Variants in DOCK1 observed in about 807,000 individuals in gnomAD.
The protein encoded by DOCK1 is dedicator of cytokinesis protein 1.
In DOCK1, 138 loss-of-function variants were observed where a neutral mutation model predicts 262.7. The observed-to-expected ratio is 0.53, with a 90% CI of 0.46 to 0.61. DOCK1 has a LOEUF of 0.61. DOCK1 is among the 20% of genes least tolerant of loss of function. The pLI is 0.00. For missense variants in DOCK1, 1,908 were observed against 2,370.7 expected (o/e 0.80, Z 4.05); for synonymous variants, 866 against 867.4 (o/e 1.00, Z 0.03).
intron 25 of DOCK1, among the ~76,000 whole-genome samples, chr10:127,117,017 A>G (rs1475453551): frequency 4.6e-5 from 7 of 152,142 alleles, no homozygotes; most frequent in South Asian, 4.1e-4. Flanking sequence ...CTCATTCTGT[A>G]TATCATTCTC....
At chr10:127,215,098 T>C (rs2042157979) in intron 27 of DOCK1, among the ~76,000 whole-genome samples, 1 of 152,086 alleles carries the variant, frequency 6.6e-6, no homozygotes, top group South Asian at 2.1e-4. Flanking sequence ...TCTTTGCCTC[T>C]TCCAGGACTC....
intron 1 of DOCK1, among the ~76,000 whole-genome samples, chr10:126,955,957 A>G (rs1418836885): frequency 6.6e-6 from 1 of 152,138 alleles, no homozygotes; most frequent in Non-Finnish European, 1.5e-5. Context: ...ACCTGTCCAT[A>G]TGCCTGTTAA....
chr10:127,152,897 G>T (rs1309441947), intron 27 of DOCK1, among the ~76,000 whole-genome samples: 1 of 152,180 alleles, frequency 6.6e-6, no homozygotes, highest in East Asian at 1.9e-4. Context: ...GGGATGCTCT[G>T]TCTGGATCGG....
At chr10:126,990,411 T>C (rs1323567444) in intron 5 of DOCK1, 44 bp from the exon 6 acceptor site, 1 of 1,556,284 alleles carries the variant, frequency 6.4e-7, no homozygotes, top group Non-Finnish European at 8.7e-7. Flanking sequence ...TCCACAATGC[T>C]GTTTTATAAC....
rs564219228 is a variant in DOCK1, at chr10:127,159,920, C to T, written c.2847+32156C>T. ...GCTGGACGGCATCTGCTCTTTCATG[C>T]TGACACCACAGGGAGATCTAAGTCA... On this transcript the variant is annotated intron_variant, in intron 27 of 51. Transcript: ENST00000623213. 2.3e-3 allele frequency among the ~76,000 whole-genome samples: 348 copies of T among 152,232 alleles called. 1 individual carries two copies. Among genetic ancestry groups the T allele is most frequent in the Admixed American group, 5.3e-3 (81 of 15,298 alleles).
chr10:127,197,676 A>G (rs557749097), intron 27 of DOCK1, among the ~76,000 whole-genome samples: 4 of 152,288 alleles, frequency 2.6e-5, no homozygotes, highest in Admixed American at 2.0e-4. Context: ...CTCTCCAGAC[A>G]CATCAGTGGG....
intron 23 of DOCK1, among the ~76,000 whole-genome samples, chr10:127,068,958 G>A (rs1336174074): frequency 6.6e-6 from 1 of 152,188 alleles, no homozygotes; most frequent in Non-Finnish European, 1.5e-5. Context: ...CACATAGCTG[G>A]TTTCTAGTTT....
At chr10:127,026,072 A>AAAAAAAAAT in intron 15 of DOCK1, 1 of 270,418 alleles carries the variant, frequency 3.7e-6, no homozygotes, top group Non-Finnish European at 6.7e-6. Context: ...AAAAAAAAAA[A>AAAAAAAAAT]GAAAGAAAAA....
rs566128248 is a variant in DOCK1 at position 127,037,752 on chromosome 10, A to G, written c.1946A>G (p.Asn649Ser). The part of the protein sequence containing the change: ...DLLGLLKWRS[N>S]TSLLQQNLRQ... ...CTGGGGCTCTTGAAATGGCGCTCCA[A>G]CACCAGCCTGCTGCAGCAGAACTTG... Residue 649 changes from asparagine to serine, a missense_variant, in exon 19 of 52, where the codon AAC (asparagine) becomes AGC (serine). Asn to Ser is a conservative substitution (Grantham distance 46). Around this residue, in one of 9 missense-constraint regions of DOCK1, gnomAD observed 294 missense variants for 439.9 expected, o/e 0.67. Coordinates refer to ENST00000623213, the MANE Select transcript of DOCK1 (RefSeq NM_001290223.2). 4 of 1,596,864 alleles carry G rather than the reference A, an allele frequency of 2.5e-6. No homozygotes were observed. In the East Asian group the frequency reaches 9.0e-5, roughly 36 times the overall value.
chr10:127,405,441 CTTTTTTT>C (rs36056116), intron 40 of DOCK1, among the ~76,000 whole-genome samples: 2 of 134,160 alleles, frequency 1.5e-5, no homozygotes, highest in Admixed American at 7.6e-5. Flanking sequence ...TTTCTTATGA[CTTTTTTT>C]TTTTTTTTTT....
At chr10:127,332,006 T>C (rs1020651232) in intron 29 of DOCK1, among the ~76,000 whole-genome samples, 4 of 152,326 alleles carry the variant, frequency 2.6e-5, no homozygotes, top group African/African-American at 9.6e-5. Flanking sequence ...TGGGAGAGGA[T>C]GGAGGAACCG....
chr10:127,289,506 T>G (rs2061276779), intron 29 of DOCK1, among the ~76,000 whole-genome samples: 1 of 152,174 alleles, frequency 6.6e-6, no homozygotes, highest in African/African-American at 2.4e-5. Flanking sequence ...GGAAGGCAAA[T>G]GCATATGACA....
At chr10:127,329,029 A>G (rs1198830528) in intron 29 of DOCK1, among the ~76,000 whole-genome samples, 1 of 152,130 alleles carries the variant, frequency 6.6e-6, no homozygotes, top group Non-Finnish European at 1.5e-5. Flanking sequence ...TAAGTGTATC[A>G]TTCAATGGCA....
intron 40 of DOCK1, 109 bp from the exon 41 acceptor site, chr10:127,408,928 T>G: frequency 7.3e-7 from 1 of 1,369,148 alleles, no homozygotes; most frequent in African/African-American, 1.5e-5. Flanking sequence ...TTAAATTTAA[T>G]GACATTTTGT....
At chr10:127,213,833 T>A (rs556400114) in intron 27 of DOCK1, among the ~76,000 whole-genome samples, 15 of 152,306 alleles carry the variant, frequency 9.8e-5, no homozygotes, top group African/African-American at 3.4e-4. Flanking sequence ...GTAATATTCA[T>A]CAGCATCATT....
intron 1 of DOCK1, among the ~76,000 whole-genome samples, chr10:126,941,704 G>A (rs920838331): frequency 4.6e-5 from 7 of 152,144 alleles, no homozygotes; most frequent in South Asian, 2.1e-4. Context: ...GCAGTGAGCC[G>A]AGATCGTGCC....
Position 127,032,176 on chromosome 10 carries a change from A to C in DOCK1, c.1768A>C (p.Ser590Arg), listed in dbSNP as rs1403065120. Residue 590 changes from serine (S) to arginine (R), a missense_variant, in exon 18 of 52, where the codon AGT becomes CGT. Coordinates refer to ENST00000623213, the MANE Select transcript of DOCK1 (RefSeq NM_001290223.2). ...KKLEDAATYL[S>R]LPSTKAELEE... The stretch of plus-strand genomic sequence containing the variant: ...GCTGGAAGATGCTGCCACGTACTTG[A>C]GTCTGCCCTCCACGAAGGCAGAGTT... 2 of 1,598,490 alleles carry C rather than the reference A, an allele frequency of 1.3e-6. No individual in the cohort carries two copies. The highest frequency in any genetic ancestry group is 1.7e-6 in the Non-Finnish European group (2 of 1,172,422).
intron 35 of DOCK1, among the ~76,000 whole-genome samples, chr10:127,376,772 C>A (rs2065517212): frequency 6.6e-6 from 1 of 152,170 alleles, no homozygotes; most frequent in African/African-American, 2.4e-5. Context: ...AGTCTTCCAA[C>A]TTTGATGATT....
intron 27 of DOCK1, among the ~76,000 whole-genome samples, chr10:127,133,283 T>A (rs2050435009): frequency 6.6e-6 from 1 of 152,226 alleles, no homozygotes; most frequent in South Asian, 2.1e-4. Context: ...TTCACAAAGA[T>A]GTTATATCCC....
Sources: allele counts gnomAD v4.1 joint callset (sites outside exome capture counted in the v4.1 genomes callset), GRCh38; gene constraint gnomAD v4.1.1; regional missense constraint gnomAD v4.1.1; transcripts MANE v1.5; gene names NCBI Gene and HGNC (gene_info 2026-07-23, HGNC 2026-07-21).